PLA2G4E: variants seen among roughly 807,000 people sequenced by gnomAD.
The protein encoded by PLA2G4E is cytosolic phospholipase A2 epsilon.
In PLA2G4E, 84 loss-of-function variants were observed where a neutral mutation model predicts 109.1. The ratio of observed to expected loss-of-function variants is 0.77; its 90% CI spans 0.65 to 0.92. PLA2G4E has a LOEUF of 0.92. Ranked by LOEUF, PLA2G4E falls within the 40% of genes least tolerant of loss-of-function variation. PLA2G4E has a pLI of 0.00. For synonymous variants in PLA2G4E, 469 were observed against 436.1 expected, an observed-to-expected ratio of 1.08 and a Z score of -0.94; for missense variants, 1,057 against 1,076.6, an observed-to-expected ratio of 0.98 and a Z score of 0.25.
At chr15:42,004,713 G>A (rs547370512) in intron 5 of PLA2G4E, among the ~76,000 whole-genome samples, 1 of 152,330 alleles carries the variant, frequency 6.6e-6, no homozygotes, top group East Asian at 1.9e-4. Flanking sequence ...TTAAAGCAAT[G>A]CTGAGGGCAG....
chr15:42,028,495 C>T (rs1045077262), intron 1 of PLA2G4E, among the ~76,000 whole-genome samples: 2 of 151,898 alleles, frequency 1.3e-5, no homozygotes, highest in Non-Finnish European at 2.9e-5. Flanking sequence ...CAACCTCCAC[C>T]TCCTGGCTTC....
At chr15:41,987,625 G>T (rs2068164391) in intron 16 of PLA2G4E, among the ~76,000 whole-genome samples, 1 of 152,130 alleles carries the variant, frequency 6.6e-6, no homozygotes, top group Non-Finnish European at 1.5e-5. Context: ...GAGAGGACAG[G>T]GAGTTTCAAA....
chr15:42,036,040 T>G (rs1889206878), intron 1 of PLA2G4E, among the ~76,000 whole-genome samples: 1 of 152,236 alleles, frequency 6.6e-6, no homozygotes, highest in Non-Finnish European at 1.5e-5. Context: ...TCACCTATAT[T>G]GGTTAACAAT....
chr15:41,997,712 A>C (rs566309280), intron 10 of PLA2G4E: 1 of 152,902 alleles, frequency 6.5e-6, no homozygotes, highest in East Asian at 1.9e-4. Flanking sequence ...TGTGCTAGGT[A>C]AACAAACTCC....
chr15:42,013,922 A>G (rs1481255688), intron 1 of PLA2G4E, among the ~76,000 whole-genome samples, 165 bp from the exon 2 acceptor site: 5 of 91,768 alleles, frequency 5.4e-5, no homozygotes, highest in Admixed American at 1.6e-4. Context: ...ACAGAGTTTC[A>G]CTCTTGTTGC....
At chr15:42,029,453 A>C (rs1401029702) in intron 1 of PLA2G4E, among the ~76,000 whole-genome samples, 1 of 151,998 alleles carries the variant, frequency 6.6e-6, no homozygotes, top group Non-Finnish European at 1.5e-5. Flanking sequence ...CTGCCATTAA[A>C]ACTTGTGGCC....
intron 6 of PLA2G4E, among the ~76,000 whole-genome samples, chr15:42,001,478 T>A (rs2068419098): frequency 6.6e-6 from 1 of 152,144 alleles, no homozygotes; most frequent in Non-Finnish European, 1.5e-5. Flanking sequence ...AGGGGTCAGG[T>A]CCTCAGCTGC....
At chr15:42,021,982 G>A (rs1019758157) in intron 1 of PLA2G4E, among the ~76,000 whole-genome samples, 2 of 152,204 alleles carry the variant, frequency 1.3e-5, no homozygotes, top group African/African-American at 4.8e-5. Flanking sequence ...AAGTGGAGGG[G>A]CCTTAGCCTG....
chr15:41,998,099 C>T (rs1274453820), intron 10 of PLA2G4E: 4 of 152,398 alleles, frequency 2.6e-5, no homozygotes, highest in African/African-American at 9.6e-5. Context: ...CCTTTGCCCA[C>T]CTCCAGCCTG....
At chr15:41,984,277 G>A (rs1456186964) in intron 19 of PLA2G4E, among the ~76,000 whole-genome samples, 159 bp downstream of exon 19, 1 of 152,226 alleles carries the variant, frequency 6.6e-6, no homozygotes, top group African/African-American at 2.4e-5. Context: ...CCATGGGGGT[G>A]AGGGAATGGG....
chr15:42,002,848 T>C (rs2068436257), intron 5 of PLA2G4E, among the ~76,000 whole-genome samples, 152 bp from the exon 6 acceptor site: 1 of 152,172 alleles, frequency 6.6e-6, no homozygotes, highest in South Asian at 2.1e-4. Context: ...CTTAGCCTTA[T>C]AGGTTGTCAG....
At chr15:42,036,735 C>T (rs1024631477) in intron 1 of PLA2G4E, among the ~76,000 whole-genome samples, 1 of 152,128 alleles carries the variant, frequency 6.6e-6, no homozygotes, top group Non-Finnish European at 1.5e-5. Context: ...CCCCAGGCTG[C>T]GAAGGAGGGG....
chr15:41,991,623 G>C (rs912460739), intron 13 of PLA2G4E, among the ~76,000 whole-genome samples: 1 of 152,172 alleles, frequency 6.6e-6, no homozygotes, highest in Non-Finnish European at 1.5e-5. Flanking sequence ...GCATGCAGGA[G>C]GTACTCAAGT....
At chr15:42,040,424 G>A (rs1402460588) in intron 1 of PLA2G4E, among the ~76,000 whole-genome samples, 1 of 152,118 alleles carries the variant, frequency 6.6e-6, no homozygotes, top group African/African-American at 2.4e-5. Context: ...ATATCTCCTT[G>A]TATTAAAATA....
chr15:42,038,880 G>A (rs111913385), intron 1 of PLA2G4E, among the ~76,000 whole-genome samples: 5 of 152,108 alleles, frequency 3.3e-5, no homozygotes, highest in Admixed American at 2.0e-4. Flanking sequence ...AATTGTTACT[G>A]ATTCACACTT....
chr15:42,037,114 C>T (rs1889231477), intron 1 of PLA2G4E, among the ~76,000 whole-genome samples: 1 of 152,240 alleles, frequency 6.6e-6, no homozygotes, highest in Non-Finnish European at 1.5e-5. Context: ...CTGAGGGCAG[C>T]TCCGTGCTGG....
At chr15:42,043,668 A>G (rs1889359291) in intron 1 of PLA2G4E, among the ~76,000 whole-genome samples, 1 of 151,998 alleles carries the variant, frequency 6.6e-6, no homozygotes, top group Admixed American at 6.6e-5. Flanking sequence ...ACAAATGTAG[A>G]GGAAAGAGCA....
intron 1 of PLA2G4E, among the ~76,000 whole-genome samples, chr15:42,040,204 G>GCA (rs1236765111): frequency 2.0e-5 from 3 of 150,758 alleles, no homozygotes; most frequent in African/African-American, 4.9e-5. Context: ...ACACACACAC[G>GCA]CACACACACA....
chr15:41,985,724 T>G (rs1012826374), intron 18 of PLA2G4E, 115 bp downstream of exon 18: 33 of 1,310,290 alleles, frequency 2.5e-5, no homozygotes, highest in Non-Finnish European at 3.4e-5. Flanking sequence ...TGATGCTCTC[T>G]GGGGGCTGTC....
Sources: allele counts gnomAD v4.1 joint callset (sites outside exome capture counted in the v4.1 genomes callset), GRCh38; gene constraint gnomAD v4.1.1; transcripts MANE v1.5; gene names NCBI Gene and HGNC (gene_info 2026-07-23, HGNC 2026-07-21).